The following CAST variants were observed in gnomAD, a reference collection of about 807,000 sequenced individuals.
CAST encodes MIR583 host.
Under a neutral mutation model 119.6 loss-of-function variants are expected in CAST, and 76 were observed. That is an observed-to-expected ratio of 0.64 (90% CI 0.53 to 0.77). CAST has a LOEUF of 0.77. Ranked by LOEUF, CAST falls within the 30% of genes least tolerant of loss-of-function variation. CAST has a pLI of 0.00. For missense variants in CAST, 953 were observed against 946.5 expected (o/e 1.01, Z -0.09); for synonymous variants, 319 against 331.6 (o/e 0.96, Z 0.41).
At chr5:96,739,264 G>C (rs1428883067) in intron 11 of CAST, among the ~76,000 whole-genome samples, 1 of 152,220 alleles carries the variant, frequency 6.6e-6, no homozygotes, top group African/African-American at 2.4e-5. Flanking sequence ...CACCTGTAGA[G>C]AGATTGCCAG....
intron 1 of CAST, among the ~76,000 whole-genome samples, chr5:96,535,934 C>T (rs1745803191): frequency 6.6e-6 from 1 of 151,382 alleles, no homozygotes; most frequent in Admixed American, 6.6e-5. Flanking sequence ...TTGTTAAAAC[C>T]GACAATTGAA....
chr5:96,040,968 C>G, the CAST span, among the ~76,000 whole-genome samples: 1 of 152,140 alleles, frequency 6.6e-6, no homozygotes. Flanking sequence ...CTTTGTACCT[C>G]TTGTAGAATT....
the CAST span, among the ~76,000 whole-genome samples, chr5:96,045,356 G>GA: frequency 7.8e-3 from 798 of 101,902 alleles, 4 homozygotes; most frequent in African/African-American, 0.016. Flanking sequence ...TCTGTCTCAA[G>GA]AAAAAAAAAA....
the CAST span, among the ~76,000 whole-genome samples, chr5:96,136,698 C>CTAAAT: frequency 6.6e-6 from 1 of 152,176 alleles, no homozygotes; most frequent in East Asian, 1.9e-4. Context: ...TAATTTATTA[C>CTAAAT]TACCTGTGTA....
the CAST span, among the ~76,000 whole-genome samples, chr5:96,381,660 G>A: frequency 2.6e-5 from 4 of 152,180 alleles, no homozygotes; most frequent in South Asian, 2.1e-4. Flanking sequence ...ACTGTTGGAC[G>A]TGGTTACTGA....
chr5:96,572,322 T>C (rs961371147), intron 1 of CAST, among the ~76,000 whole-genome samples: 1 of 152,052 alleles, frequency 6.6e-6, no homozygotes, highest in African/African-American at 2.4e-5. Context: ...TACTTCAGCC[T>C]CCCGAGTAGC....
chr5:96,267,489 A>C, the CAST span, among the ~76,000 whole-genome samples: 1 of 152,210 alleles, frequency 6.6e-6, no homozygotes, highest in Non-Finnish European at 1.5e-5. Context: ...TTCTCAACGG[A>C]AACTATACAG....
chr5:96,028,776 A>C, the CAST span, among the ~76,000 whole-genome samples: 1 of 152,146 alleles, frequency 6.6e-6, no homozygotes, highest in Admixed American at 6.6e-5. Context: ...AGCTGACGTT[A>C]ATGAATATTT....
At chr5:96,189,506 A>C in the CAST span, among the ~76,000 whole-genome samples, 2 of 152,076 alleles carry the variant, frequency 1.3e-5, no homozygotes, top group African/African-American at 4.8e-5. Flanking sequence ...TGGCCTTTTC[A>C]GTTTGATAGC....
chr5:96,250,688 C>A, the CAST span, among the ~76,000 whole-genome samples: 1 of 151,932 alleles, frequency 6.6e-6, no homozygotes, highest in African/African-American at 2.4e-5. Context: ...AAAGGGCAGA[C>A]TAGATATAAG....
the CAST span, among the ~76,000 whole-genome samples, chr5:96,434,413 C>T: frequency 1.3e-5 from 2 of 152,184 alleles, no homozygotes; most frequent in Non-Finnish European, 2.9e-5. Flanking sequence ...TGGCCAGCAC[C>T]AAGCTGTTTT....
Position 96,722,618 on chromosome 5 carries a change from ATTTC to A in CAST, c.211-12_211-9del. 6.3e-7 allele frequency: 1 copy of A among 1,589,980 alleles called. No homozygotes were observed. On this transcript the variant is annotated splice_polypyrimidine_tract_variant and intron_variant, in intron 3 of 31. Transcript: ENST00000675179. Reference sequence around the variant, plus strand: ...TAGGTTAAATAGAATCGAACTTTCTATTTCTTTCTTTCCTTTCTAGGTGTCAGCT... The same window carrying A: ...TAGGTTAAATAGAATCGAACTTTCTATTTCTTTCCTTTCTAGGTGTCAGCT...
At chr5:96,270,570 G>T in the CAST span, among the ~76,000 whole-genome samples, 1 of 152,320 alleles carries the variant, frequency 6.6e-6, no homozygotes, top group South Asian at 2.1e-4. Flanking sequence ...CATGGATGGA[G>T]TTGGAAGCCG....
At chr5:96,388,633 A>G in the CAST span, among the ~76,000 whole-genome samples, 1 of 152,196 alleles carries the variant, frequency 6.6e-6, no homozygotes, top group African/African-American at 2.4e-5. Context: ...ACAATCATTT[A>G]TATGAATGTT....
At chr5:96,199,404 A>G in the CAST span, among the ~76,000 whole-genome samples, 1 of 152,174 alleles carries the variant, frequency 6.6e-6, no homozygotes, top group South Asian at 2.1e-4. Context: ...CTTCAGAAAG[A>G]TTCAAATATT....
intron 1 of CAST, among the ~76,000 whole-genome samples, chr5:96,589,774 C>A (rs568859079): frequency 1.2e-4 from 18 of 152,144 alleles, no homozygotes; most frequent in Non-Finnish European, 2.2e-4. Context: ...CAATCTAGCA[C>A]AAAAGCCTTG....
intron 1 of CAST, among the ~76,000 whole-genome samples, chr5:96,592,606 T>G (rs957923032): frequency 6.6e-6 from 1 of 151,958 alleles, no homozygotes; most frequent in Non-Finnish European, 1.5e-5. Flanking sequence ...CTCTCTATAG[T>G]TTTTTTTCCA....
chr5:95,997,962 GGTTTTTTT>G, the CAST span, among the ~76,000 whole-genome samples: 3 of 111,698 alleles, frequency 2.7e-5, no homozygotes, highest in African/African-American at 1.2e-4. Context: ...TTTGAGAGAG[GGTTTTTTT>G]TTTTTTTTTT....
At chr5:96,199,780 C>A in the CAST span, among the ~76,000 whole-genome samples, 8 of 152,226 alleles carry the variant, frequency 5.3e-5, no homozygotes, top group African/African-American at 1.9e-4. Flanking sequence ...GATGGGGTCA[C>A]TAACTCCACC....
Sources: allele counts gnomAD v4.1 joint callset (sites outside exome capture counted in the v4.1 genomes callset), GRCh38; gene constraint gnomAD v4.1.1; transcripts MANE v1.5; gene names NCBI Gene and HGNC (gene_info 2026-07-23, HGNC 2026-07-21).